RPS6KC1: variants seen among roughly 807,000 people sequenced by gnomAD.
RPS6KC1 encodes ribosomal protein S6 kinase C1.
RPS6KC1 carries 54 observed loss-of-function variants against 103.8 expected under a neutral mutation model. The ratio of observed to expected loss-of-function variants is 0.52; its 90% CI spans 0.42 to 0.65. The LOEUF (loss-of-function observed/expected upper bound fraction) is 0.65, where lower values mean the gene tolerates loss of function less well. RPS6KC1 is among the 30% of genes least tolerant of loss of function. The probability of loss-of-function intolerance (pLI) is 0.00; values close to 1 mark genes in which losing one functional copy is unlikely to be tolerated. For synonymous variants in RPS6KC1, 439 were observed against 438.7 expected (o/e 1.00, Z -0.01); for missense variants, 1,151 against 1,253.8 (o/e 0.92, Z 1.24).
At chr1:213,473,253 C>A in the RPS6KC1 span, among the ~76,000 whole-genome samples, 1 of 152,218 alleles carries the variant, frequency 6.6e-6, no homozygotes, top group Admixed American at 6.5e-5. Context: ...ATAGTCAGGC[C>A]AGTAGCTGAC....
At chr1:213,237,480 T>A (rs770391598) in intron 10 of RPS6KC1, among the ~76,000 whole-genome samples, 1 of 152,124 alleles carries the variant, frequency 6.6e-6, no homozygotes, top group African/African-American at 2.4e-5. Flanking sequence ...TTGTTTCCAG[T>A]ACTCATATAA....
At chr1:213,808,724 G>A in the RPS6KC1 span, among the ~76,000 whole-genome samples, 1 of 152,254 alleles carries the variant, frequency 6.6e-6, no homozygotes, top group South Asian at 2.1e-4. Flanking sequence ...CTGACCCCTT[G>A]TGCTTCCCGA....
At chr1:213,616,415 A>C in the RPS6KC1 span, among the ~76,000 whole-genome samples, 1 of 152,168 alleles carries the variant, frequency 6.6e-6, no homozygotes, top group Non-Finnish European at 1.5e-5. Flanking sequence ...TGCGGTGGGC[A>C]CCGCTGATGC....
rs574287579 is a variant in RPS6KC1 at position 213,269,770 on chromosome 1, C to G, written c.3091-2754C>G. On this transcript the variant is annotated intron_variant, in intron 14 of 14. Coordinates refer to ENST00000366960, the MANE Select transcript of RPS6KC1 (RefSeq NM_012424.6). ...CACCGTAAGAAACTATGAAACAAAG[C>G]TAGATGTGGTTGTGTGCTCCTGTAG... Among the ~76,000 whole-genome samples the G allele has an allele frequency of 2.0e-5, 3 of 152,016 alleles. No homozygotes were observed. In the East Asian group the frequency reaches 5.8e-4, roughly 30 times the overall value.
chr1:213,316,440 A>G, the RPS6KC1 span, among the ~76,000 whole-genome samples: 4 of 152,252 alleles, frequency 2.6e-5, no homozygotes, highest in Non-Finnish European at 4.4e-5. Flanking sequence ...CCATGCCTAA[A>G]TTACATTACC....
chr1:213,540,759 C>T, the RPS6KC1 span, among the ~76,000 whole-genome samples: 1 of 152,192 alleles, frequency 6.6e-6, no homozygotes, highest in Admixed American at 6.5e-5. Flanking sequence ...ATTTTACCCA[C>T]AGTAGAACTT....
the RPS6KC1 span, among the ~76,000 whole-genome samples, chr1:213,667,850 G>A: frequency 6.6e-6 from 1 of 152,188 alleles, no homozygotes. Context: ...TTCACCAAGA[G>A]TAGATTCCAT....
chr1:213,331,481 G>C, the RPS6KC1 span, among the ~76,000 whole-genome samples: 1 of 152,230 alleles, frequency 6.6e-6, no homozygotes, highest in South Asian at 2.1e-4. Context: ...GTATGAATGG[G>C]CCTGGCCAGT....
At chr1:213,635,131 G>A in the RPS6KC1 span, among the ~76,000 whole-genome samples, 1 of 151,884 alleles carries the variant, frequency 6.6e-6, no homozygotes, top group Non-Finnish European at 1.5e-5. Flanking sequence ...CAATAATTAA[G>A]AGCCTACCAA....
chr1:213,826,146 G>GA, the RPS6KC1 span, among the ~76,000 whole-genome samples: 1 of 151,808 alleles, frequency 6.6e-6, no homozygotes, highest in Non-Finnish European at 1.5e-5. Context: ...ATCTTTAGGA[G>GA]AAAAAAATGA....
the RPS6KC1 span, among the ~76,000 whole-genome samples, chr1:213,719,381 G>T: frequency 6.6e-6 from 1 of 152,066 alleles, no homozygotes; most frequent in African/African-American, 2.4e-5. Context: ...CAGTAAGGCC[G>T]ATGCCCGCCA....
At chr1:213,772,290 C>T in the RPS6KC1 span, among the ~76,000 whole-genome samples, 7 of 152,172 alleles carry the variant, frequency 4.6e-5, no homozygotes, top group African/African-American at 1.7e-4. Flanking sequence ...GTGGATTCCA[C>T]CATCTCGGCG....
chr1:213,114,201 A>G (rs1320414216), intron 4 of RPS6KC1, among the ~76,000 whole-genome samples: 5 of 152,008 alleles, frequency 3.3e-5, no homozygotes, highest in Admixed American at 6.6e-5. Context: ...AGCATGGAAT[A>G]TTCTTCCATT....
At chr1:213,125,174 C>T (rs910973712) in intron 5 of RPS6KC1, among the ~76,000 whole-genome samples, 3 of 151,940 alleles carry the variant, frequency 2.0e-5, no homozygotes, top group Admixed American at 6.6e-5. Context: ...ATAATCTTAC[C>T]ATACACAGAA....
the RPS6KC1 span, among the ~76,000 whole-genome samples, chr1:213,771,725 G>A: frequency 3.5e-3 from 529 of 152,256 alleles, 3 homozygotes; most frequent in African/African-American, 0.011. Context: ...TAGGTAGAAC[G>A]TCAGGAAGCT....
rs182778743 is a variant in RPS6KC1, at chr1:213,093,691, G to A, written c.263-10763G>A. Among the ~76,000 whole-genome samples, 669 of 152,190 alleles carry A rather than the reference G, an allele frequency of 4.4e-3. 2 individuals are homozygous for A. The highest frequency in any genetic ancestry group is 7.7e-3 in the Admixed American group (117 of 15,288). On this transcript the variant is annotated intron_variant, in intron 3 of 14. Transcript: ENST00000366960. ...CCGTATCTTCTGTTAACTATTTACT[G>A]CCAGTGTGATCTTATACAAATTAAT... is the stretch of plus-strand genomic sequence containing the variant.
the RPS6KC1 span, among the ~76,000 whole-genome samples, chr1:213,402,662 G>GTA: frequency 6.6e-6 from 1 of 152,112 alleles, no homozygotes; most frequent in Non-Finnish European, 1.5e-5. Context: ...TTGCTCTGGT[G>GTA]TATGGCAAAT....
the RPS6KC1 span, among the ~76,000 whole-genome samples, chr1:213,335,287 G>T: frequency 6.6e-6 from 1 of 152,206 alleles, no homozygotes; most frequent in Non-Finnish European, 1.5e-5. Context: ...ATAGGTTGTT[G>T]TATTAGTTAG....
the RPS6KC1 span, among the ~76,000 whole-genome samples, chr1:213,807,760 C>T: frequency 3.9e-5 from 6 of 152,172 alleles, no homozygotes; most frequent in Non-Finnish European, 8.8e-5. Context: ...TTGTCTGAAG[C>T]CTTCTTCTCT....
Sources: allele counts gnomAD v4.1 joint callset (sites outside exome capture counted in the v4.1 genomes callset), GRCh38; gene constraint gnomAD v4.1.1; transcripts MANE v1.5; gene names NCBI Gene and HGNC (gene_info 2026-07-23, HGNC 2026-07-21).